The following SHC4 variants were observed in gnomAD, a reference collection of about 807,000 sequenced individuals.
SHC4 encodes SHC adaptor protein 4.
Under a neutral mutation model 69.4 loss-of-function variants are expected in SHC4, and 41 were observed. The observed-to-expected ratio is 0.59, with a 90% CI of 0.46 to 0.77. SHC4 has a LOEUF of 0.77. SHC4 is among the 30% of genes least tolerant of loss of function. SHC4 has a pLI of 0.00. For missense variants in SHC4, 777 were observed against 783.8 expected (o/e 0.99, Z 0.10); for synonymous variants, 318 against 299.3 (o/e 1.06, Z -0.64).
chr15:48,848,014 AAAAC>A (rs1400725550), intron 9 of SHC4, among the ~76,000 whole-genome samples: 1 of 150,922 alleles, frequency 6.6e-6, no homozygotes, highest in African/African-American at 2.4e-5. Context: ...AAAAAAAAAA[AAAAC>A]AAAAAAAACA....
intron 1 of SHC4, among the ~76,000 whole-genome samples, chr15:48,927,049 G>T (rs922461173): frequency 3.9e-5 from 6 of 152,158 alleles, no homozygotes; most frequent in African/African-American, 1.5e-4. Context: ...TAAGGAAGTT[G>T]TGTCTAGAGA....
chr15:48,855,895 T>C (rs1899302928), intron 8 of SHC4, 58 bp downstream of exon 8: 2 of 1,513,118 alleles, frequency 1.3e-6, no homozygotes, highest in East Asian at 2.3e-5. Context: ...AAGTAAATGC[T>C]CTAGTGATAA....
rs1259925665 is a variant in SHC4 at position 48,825,570 on chromosome 15, CTTAGAA to C, written c.*395_*400del. On this transcript the variant is annotated 3_prime_UTR_variant, in exon 12 of 12. Transcript: ENST00000332408. ...TCTATAGTCATAGAACATGAAGATA[CTTAGAA>C]TTAATCTCCCAATATGAAAATGTCC... The C allele has an allele frequency of 6.3e-6, 1 of 158,070 alleles. No individual in the cohort carries two copies. The highest frequency in any genetic ancestry group is 1.9e-4 in the East Asian group (1 of 5,366). 9.8% of individuals were successfully genotyped at this position (158,070 alleles called of 1,614,324 possible).
intron 1 of SHC4, among the ~76,000 whole-genome samples, chr15:48,926,824 T>G (rs1900862315): frequency 1.3e-5 from 2 of 152,180 alleles, no homozygotes; most frequent in South Asian, 4.1e-4. Context: ...GAGTGCTGCC[T>G]GGAGCCTGGT....
At chr15:48,932,358 G>T (rs1900981302) in intron 1 of SHC4, among the ~76,000 whole-genome samples, 1 of 152,150 alleles carries the variant, frequency 6.6e-6, no homozygotes, top group Admixed American at 6.6e-5. Context: ...ATTTTAATAA[G>T]CAATCAGGTC....
chr15:48,830,307 C>A (rs929944552), intron 11 of SHC4, among the ~76,000 whole-genome samples: 2 of 152,188 alleles, frequency 1.3e-5, no homozygotes, highest in East Asian at 1.9e-4. Flanking sequence ...CATACAAATA[C>A]TCTACACTGT....
intron 6 of SHC4, among the ~76,000 whole-genome samples, chr15:48,863,051 T>A (rs1899477543): frequency 8.5e-6 from 1 of 118,242 alleles, no homozygotes; most frequent in Non-Finnish European, 1.8e-5. Flanking sequence ...TGCCATTTTC[T>A]CCTGGATGAA....
rs150046267 is a variant in SHC4 at position 48,850,311 on chromosome 15, T to A, written c.1303+877A>T. Among the ~76,000 whole-genome samples the A allele has an allele frequency of 2.8e-4, 42 of 152,234 alleles. 1 individual carries two copies. Among genetic ancestry groups the A allele is most frequent in the African/African-American group, 9.9e-4 (41 of 41,572 alleles). ...ACAAGATAGAGGAAGGTGGTAATCA[T>A]ACCTATACCAGAAAGAATAAATCTT... is the stretch of plus-strand genomic sequence containing the variant. On this transcript the variant is annotated intron_variant, in intron 9 of 11. Coordinates refer to ENST00000332408, the MANE Select transcript of SHC4 (RefSeq NM_203349.4).
At chr15:48,850,951 A>G (rs965393602) in intron 9 of SHC4, among the ~76,000 whole-genome samples, 1 of 152,238 alleles carries the variant, frequency 6.6e-6, no homozygotes, top group Admixed American at 6.5e-5. Context: ...AAAAGACTCC[A>G]TAAAGCAAAA....
At chr15:48,839,485 G>C (rs62009451) in intron 10 of SHC4, among the ~76,000 whole-genome samples, 2 of 152,110 alleles carry the variant, frequency 1.3e-5, no homozygotes, top group East Asian at 3.9e-4. Context: ...ACAGATGACA[G>C]TGGACACCAA....
At chr15:48,880,810 T>G (rs542298608) in intron 4 of SHC4, among the ~76,000 whole-genome samples, 5 of 152,312 alleles carry the variant, frequency 3.3e-5, no homozygotes, top group Admixed American at 3.3e-4. Flanking sequence ...TATTTGTGTT[T>G]CTTTTACATG....
At chr15:48,853,495 T>C (rs1334304968) in intron 8 of SHC4, among the ~76,000 whole-genome samples, 1 of 152,134 alleles carries the variant, frequency 6.6e-6, no homozygotes, top group Non-Finnish European at 1.5e-5. Context: ...AAACAGTTGG[T>C]TCATATGGAA....
chr15:48,890,796 G>C lies in SHC4; in HGVS notation c.672C>G (p.Arg224=), dbSNP rs143369861. ...RTQVTREAIS[R]LCEAVPGANG... ...TTGCCCCGGGGACAGCTTCACACAG[G>C]CGACTTATTGCTTCCCTAAAGAACA... The change falls in exon 3 of 12, where the codon CGC becomes CGG. Residue 224 remains arginine (R), a synonymous_variant. Transcript: ENST00000332408. 8.7e-6 allele frequency: 14 copies of C among 1,614,030 alleles called. No homozygotes were observed. The African/African-American group carries it at 1.7e-4, about 20-fold the overall frequency.
At chr15:48,960,586 C>G (rs1282752468) in intron 1 of SHC4, among the ~76,000 whole-genome samples, 1 of 152,004 alleles carries the variant, frequency 6.6e-6, no homozygotes, top group African/African-American at 2.4e-5. Flanking sequence ...TCTCTGTAAC[C>G]CTTCCAGTGT....
At chr15:48,947,590 C>T (rs1391434283) in intron 1 of SHC4, among the ~76,000 whole-genome samples, 1 of 152,190 alleles carries the variant, frequency 6.6e-6, no homozygotes, top group Non-Finnish European at 1.5e-5. Context: ...AGAACAATCT[C>T]ATTCACCAGG....
In SHC4 at chr15:48,963,809, G is replaced by T. The variant is rs1901586922; in HGVS notation, c.-794C>A. ...CGGAGCTTTTTTCAGAAGCCCATTTGCAGCCGAAAGCTGAGATGTGCAGGA... is the reference window on the plus strand; with the variant it reads ...CGGAGCTTTTTTCAGAAGCCCATTTTCAGCCGAAAGCTGAGATGTGCAGGA... On this transcript the variant is annotated 5_prime_UTR_variant, in exon 1 of 12. Coordinates refer to ENST00000332408, the MANE Select transcript of SHC4 (RefSeq NM_203349.4). Among the ~76,000 whole-genome samples the T allele has an allele frequency of 6.6e-6, 1 of 152,204 alleles. No homozygotes were observed. The highest frequency in any genetic ancestry group is 1.9e-4 in the East Asian group (1 of 5,204).
chr15:48,952,940 C>G (rs900311121), intron 1 of SHC4, among the ~76,000 whole-genome samples: 1 of 152,168 alleles, frequency 6.6e-6, no homozygotes, highest in Non-Finnish European at 1.5e-5. Flanking sequence ...GAATATAAAT[C>G]GTTCTATTAT....
intron 10 of SHC4, among the ~76,000 whole-genome samples, chr15:48,841,854 G>A (rs539728815): frequency 6.6e-6 from 1 of 152,348 alleles, no homozygotes; most frequent in South Asian, 2.1e-4. Context: ...CTTGTCACCT[G>A]GCTGACAATA....
chr15:48,840,329 T>A (rs1215575829), intron 10 of SHC4, among the ~76,000 whole-genome samples: 4 of 152,188 alleles, frequency 2.6e-5, no homozygotes, highest in Non-Finnish European at 4.4e-5. Flanking sequence ...ACTCAGGGAA[T>A]CTTTCTGCCA....
Sources: gnomAD v4.1 joint callset for allele counts (sites outside exome capture counted in the v4.1 genomes callset) on GRCh38, gnomAD v4.1.1 for gene constraint, MANE v1.5 for transcripts, NCBI Gene and HGNC (gene_info 2026-07-23, HGNC 2026-07-21) for gene names.